ZNF282: variants seen among roughly 807,000 people sequenced by gnomAD.
ZNF282 encodes the protein zinc finger protein 282.
Under a neutral mutation model 61.9 loss-of-function variants are expected in ZNF282, and 30 were observed. The observed-to-expected ratio is 0.48, with a 90% CI of 0.36 to 0.66. ZNF282 has a LOEUF of 0.66. Among genes scored for constraint, ZNF282 ranks in the 30% least tolerant of loss-of-function variants. ZNF282 has a pLI of 0.00. For synonymous variants in ZNF282, 396 were observed against 405.0 expected, an observed-to-expected ratio of 0.98 and a Z score of 0.27; for missense variants, 788 against 941.4, an observed-to-expected ratio of 0.84 and a Z score of 2.13.
Position 149,212,399 on chromosome 7 carries a change from CAGG to C in ZNF282, c.1000_1002del (p.Glu334del). On this transcript the variant is annotated inframe_deletion, in exon 6 of 8. Transcript: ENST00000610704. ...CCAGGACCTCTTGTCCCGGATTAAA[CAGG>C]AGGAGCATCAGTGCGTGTGGGATCA... 4 of 1,612,594 alleles carry C rather than the reference CAGG, an allele frequency of 2.5e-6. No homozygotes were observed. The highest frequency in any genetic ancestry group is 3.4e-6 in the Non-Finnish European group (4 of 1,179,446).
At chr7:149,215,556 T>C (rs1307999469) in intron 7 of ZNF282, among the ~76,000 whole-genome samples, 1 of 152,218 alleles carries the variant, frequency 6.6e-6, no homozygotes, top group Non-Finnish European at 1.5e-5. Context: ...CATGGGTTGT[T>C]TCTGGTTCTG....
At chr7:149,212,604 G>C in intron 6 of ZNF282, 133 bp downstream of exon 6, 1 of 691,258 alleles carries the variant, frequency 1.4e-6, no homozygotes. Context: ...TCTTTGAGAC[G>C]GAGTCTTGCT....
At chr7:149,199,494 ACTGTT>A (rs1795876179) in intron 2 of ZNF282, among the ~76,000 whole-genome samples, 1 of 151,734 alleles carries the variant, frequency 6.6e-6, no homozygotes, top group Non-Finnish European at 1.5e-5. Context: ...CCAGCATGTG[ACTGTT>A]CTGTCCTGCT....
chr7:149,216,198 A>C (rs1486277270), intron 7 of ZNF282, among the ~76,000 whole-genome samples: 1 of 152,132 alleles, frequency 6.6e-6, no homozygotes, highest in East Asian at 1.9e-4. Flanking sequence ...TCCTAGGTTC[A>C]AGTGATGCTC....
At position 149,225,619 on chromosome 7, in the gene ZNF282, C is replaced by G. The variant is rs867830940; in HGVS notation, c.*972C>G. ...CTCACCATGATGATTTGTTCCAGTT[C>G]TCCCAGGGCAGAGGGGCGAGGGAGA... On this transcript the variant is annotated 3_prime_UTR_variant, in exon 8 of 8. Transcript: ENST00000610704. 6.5e-6 allele frequency: 1 copy of G among 152,902 alleles called. No individual in the cohort carries two copies. Among genetic ancestry groups the G allele is most frequent in the Non-Finnish European group, 1.5e-5 (1 of 68,268 alleles). 9.5% of individuals were successfully genotyped at this position (152,902 alleles called of 1,614,324 possible). A position where few individuals can be genotyped will look rare whatever the true frequency, so the allele number is the denominator to read the frequency against.
intron 7 of ZNF282, among the ~76,000 whole-genome samples, chr7:149,216,235 A>T (rs1378719273): frequency 6.6e-6 from 1 of 152,170 alleles, no homozygotes; most frequent in Non-Finnish European, 1.5e-5. Context: ...AATAGCTGGG[A>T]CTACAGGCAT....
rs1184208049 is a variant in ZNF282 at position 149,224,892 on chromosome 7, C to G, written c.*245C>G. ...GGGGGACCGCGAGGAGCCGAGCGTC[C>G]TCGGGCACCGCCCTCACACCTCCTC... On this transcript the variant is annotated 3_prime_UTR_variant, in exon 8 of 8. Coordinates refer to ENST00000610704, the MANE Select transcript of ZNF282 (RefSeq NM_003575.4). 1 of 636,184 alleles carries G rather than the reference C, an allele frequency of 1.6e-6. No individual in the cohort carries two copies. The highest frequency in any genetic ancestry group is 1.8e-5 in the African/African-American group (1 of 54,456). The allele number at this position is 636,184 out of a possible 1,614,324, so 39.4% of individuals were successfully genotyped here.
At chr7:149,215,327 C>T (rs561982615) in intron 7 of ZNF282, among the ~76,000 whole-genome samples, 4 of 151,918 alleles carry the variant, frequency 2.6e-5, no homozygotes, top group Non-Finnish European at 5.9e-5. Flanking sequence ...CTCAGCCTCC[C>T]GAGTAGCTGG....
chr7:149,210,916 C>A (rs1796074692), intron 5 of ZNF282, among the ~76,000 whole-genome samples: 1 of 152,246 alleles, frequency 6.6e-6, no homozygotes, highest in South Asian at 2.1e-4. Flanking sequence ...GCTGGTACAC[C>A]TGGGCTCAGC....
At chr7:149,210,178 T>C (rs1287556833) in intron 4 of ZNF282, among the ~76,000 whole-genome samples, 1 of 152,160 alleles carries the variant, frequency 6.6e-6, no homozygotes, top group Non-Finnish European at 1.5e-5. Flanking sequence ...TCTTTCTGAC[T>C]GGGGTGACTA....
At chr7:149,196,388 A>C (rs1285763490) in intron 1 of ZNF282, among the ~76,000 whole-genome samples, 2 of 152,090 alleles carry the variant, frequency 1.3e-5, no homozygotes, top group African/African-American at 4.8e-5. Flanking sequence ...CTGGTCCCAG[A>C]GCTCAGGGTC....
At chr7:149,212,711 G>C (rs1293156110) in intron 6 of ZNF282, among the ~76,000 whole-genome samples, 1 of 152,104 alleles carries the variant, frequency 6.6e-6, no homozygotes, top group Non-Finnish European at 1.5e-5. Flanking sequence ...CTCCTGAGTA[G>C]CTGAGATTAC....
intron 7 of ZNF282, among the ~76,000 whole-genome samples, chr7:149,214,704 A>G (rs1167117389): frequency 6.6e-6 from 1 of 152,074 alleles, no homozygotes; most frequent in Non-Finnish European, 1.5e-5. Context: ...GTGGTGACTT[A>G]TGCCTGTGGT....
At chr7:149,207,492 GC>G in intron 4 of ZNF282, 22 bp downstream of exon 4, 1 of 1,556,476 alleles carries the variant, frequency 6.4e-7, no homozygotes. Flanking sequence ...AGAAGAGAGT[GC>G]GGGGTCCAGG....
chr7:149,202,753 A>T (rs900934561), intron 2 of ZNF282, among the ~76,000 whole-genome samples: 1 of 152,074 alleles, frequency 6.6e-6, no homozygotes, highest in Non-Finnish European at 1.5e-5. Flanking sequence ...ACCTGGCCTT[A>T]TGATATTATT....
chr7:149,218,887 A>G (rs911607829), intron 7 of ZNF282, among the ~76,000 whole-genome samples: 1 of 152,248 alleles, frequency 6.6e-6, no homozygotes, highest in Non-Finnish European at 1.5e-5. Context: ...CCATAAGGCT[A>G]GGTCTGGGAT....
Position 149,224,056 on chromosome 7 carries a change from C to CGGGGGCGAT in ZNF282, c.1433_1441dup (p.Asp478_Gly480dup), listed in dbSNP as rs994550957. ...GTGGGGACCGCAGCACCGGGGGCGG[C>CGGGGGCGAT]GGGGGCGATGGGGGCGGTGGGGGCG... On this transcript the variant is annotated inframe_insertion, in exon 8 of 8. Transcript: ENST00000610704. 7.5e-6 allele frequency: 7 copies of CGGGGGCGAT among 934,464 alleles called. No individual in the cohort carries two copies. The highest frequency in any genetic ancestry group is 3.5e-5 in the African/African-American group (2 of 56,818). The allele number at this position is 934,464 out of a possible 1,614,324, so 57.9% of individuals were successfully genotyped here. A position where few individuals can be genotyped will look rare whatever the true frequency, so the allele number is the denominator to read the frequency against.
intron 4 of ZNF282, among the ~76,000 whole-genome samples, chr7:149,209,520 T>C (rs1370701431): frequency 6.6e-6 from 1 of 152,172 alleles, no homozygotes; most frequent in African/African-American, 2.4e-5. Flanking sequence ...CCTAGTCTTA[T>C]GGGGTAGATT....
chr7:149,200,036 T>C (rs978030713), intron 2 of ZNF282, among the ~76,000 whole-genome samples: 5 of 152,222 alleles, frequency 3.3e-5, no homozygotes, highest in South Asian at 2.1e-4. Context: ...ATTCAAGTAA[T>C]GTCCACACAT....
Sources: gnomAD v4.1 joint callset for allele counts (sites outside exome capture counted in the v4.1 genomes callset) on GRCh38, gnomAD v4.1.1 for gene constraint, MANE v1.5 for transcripts, NCBI Gene and HGNC (gene_info 2026-07-23, HGNC 2026-07-21) for gene names.